CFAP61: variants seen among roughly 807,000 people sequenced by gnomAD.
CFAP61 encodes the protein cilia and flagella associated protein 61.
A neutral mutation model predicts 135.6 loss-of-function variants in CFAP61; 107 were observed. That is an observed-to-expected ratio of 0.79 (90% CI 0.67 to 0.93). The LOEUF (loss-of-function observed/expected upper bound fraction) is 0.93, where lower values mean the gene tolerates loss of function less well. Ranked by LOEUF, CFAP61 falls within the 40% of genes least tolerant of loss-of-function variation. CFAP61 has a pLI of 0.00. For missense variants in CFAP61, 1,507 were observed against 1,556.2 expected (o/e 0.97, Z 0.53); for synonymous variants, 575 against 578.5 (o/e 0.99, Z 0.09).
intron 20 of CFAP61, chr20:20,259,817 G>A (rs1160989751): frequency 1.3e-5 from 2 of 152,204 alleles, no homozygotes; most frequent in African/African-American, 4.8e-5. Context: ...AAGGAAGACA[G>A]AATATTGGGT....
Position 20,359,680 on chromosome 20 carries a change from A to AAACAACAAC in CFAP61, c.3514-521_3514-513dup, listed in dbSNP as rs530186293. Among the ~76,000 whole-genome samples the AAACAACAAC allele has an allele frequency of 1.7e-4, 7 of 40,038 alleles. No individual in the cohort carries two copies. The highest frequency in any genetic ancestry group is 1.5e-3 in the Admixed American group (5 of 3,436). 26.3% of individuals were successfully genotyped at this position (40,038 alleles called of 152,430 possible). A position where few individuals can be genotyped will look rare whatever the true frequency, so the allele number is the denominator to read the frequency against. On this transcript the variant is annotated intron_variant, in intron 26 of 26. Transcript: ENST00000245957. This position sits in a 1 kb window ranked among gnomAD's most constrained non-coding sequence, Gnocchi z 4.0. Reference sequence around the variant, plus strand: ...ATTCCGTCTCAAAAAGCAAAAAACAAAACAACAACAACAACAAAACAAGTA... The same window carrying AAACAACAAC: ...ATTCCGTCTCAAAAAGCAAAAAACAAAACAACAACAACAACAACAACAACAAAACAAGTA...
chr20:20,312,380 TGGATGG>T (rs1234743063), intron 25 of CFAP61, among the ~76,000 whole-genome samples: 1 of 152,202 alleles, frequency 6.6e-6, no homozygotes, highest in Non-Finnish European at 1.5e-5. Flanking sequence ...AGAACTACCC[TGGATGG>T]GCTTAGTTGC....
At chr20:20,183,543 C>A (rs1463437972) in intron 13 of CFAP61, among the ~76,000 whole-genome samples, 1 of 152,070 alleles carries the variant, frequency 6.6e-6, no homozygotes, top group Non-Finnish European at 1.5e-5. Flanking sequence ...AGAGAGCAGC[C>A]CCATTCAGTA....
Position 20,187,933 on chromosome 20 carries a change from C to CAAGGGTA in CFAP61, c.1390_1391insAGGGTAA (p.Ile464LysfsTer4), listed in dbSNP as rs1159175820. ...ATATATTCCTCTCCTTACCCAGGTC[C>CAAGGGTA]ATTAATATAAGATTTGCCACTCTCT... On this transcript the variant is annotated frameshift_variant, in exon 14 of 27. Transcript: ENST00000245957. LOFTEE classifies it high-confidence loss of function. 6.2e-7 allele frequency: 1 copy of CAAGGGTA among 1,611,838 alleles called. No individual in the cohort carries two copies.
At chr20:20,052,830 C>G in intron 1 of CFAP61, 3 of 1,114,684 alleles carry the variant, frequency 2.7e-6, no homozygotes, top group East Asian at 2.6e-5. Flanking sequence ...AGCTGCCGCC[C>G]TTTTAGGCTG....
intron 17 of CFAP61, among the ~76,000 whole-genome samples, chr20:20,207,249 A>G (rs1408405624): frequency 1.3e-5 from 2 of 152,210 alleles, no homozygotes; most frequent in Non-Finnish European, 2.9e-5. Context: ...TAAAGCCACC[A>G]GCAGGTTCTT....
intron 8 of CFAP61, among the ~76,000 whole-genome samples, chr20:20,100,539 A>T (rs568150696): frequency 6.6e-6 from 1 of 152,326 alleles, no homozygotes; most frequent in South Asian, 2.1e-4. Context: ...TATCTAACCC[A>T]AAGAATTGAG....
chr20:20,257,602 AGACTGTCTC>A (rs2051722127), intron 20 of CFAP61, among the ~76,000 whole-genome samples: 1 of 147,852 alleles, frequency 6.8e-6, no homozygotes, highest in African/African-American at 2.5e-5. Context: ...CAACAGAGCA[AGACTGTCTC>A]AAAAAAAACA....
chr20:20,168,338 C>T (rs2053980360), intron 12 of CFAP61, among the ~76,000 whole-genome samples: 1 of 152,162 alleles, frequency 6.6e-6, no homozygotes, highest in African/African-American at 2.4e-5. Flanking sequence ...ACTGGGATTA[C>T]AGAAGTGAGA....
chr20:20,053,322 T>C (rs6136927), intron 1 of CFAP61, among the ~76,000 whole-genome samples: 21,513 of 152,196 alleles, frequency 0.14, 1,659 homozygotes, highest in East Asian at 0.22. Flanking sequence ...CACAGCTTCC[T>C]GCTATCAATT....
At chr20:20,313,585 G>T (rs2056949320) in intron 25 of CFAP61, among the ~76,000 whole-genome samples, 2 of 152,196 alleles carry the variant, frequency 1.3e-5, no homozygotes, top group Admixed American at 1.3e-4. Context: ...CCAGTCCCGG[G>T]TTCTAACATT....
intron 9 of CFAP61, among the ~76,000 whole-genome samples, chr20:20,144,423 A>G (rs868110512): frequency 1.6e-4 from 24 of 151,806 alleles, no homozygotes; most frequent in Middle Eastern, 3.4e-3. Context: ...CAATCAATCA[A>G]GATGAAAAAT....
chr20:20,068,682 G>A (rs1331799099), intron 2 of CFAP61, among the ~76,000 whole-genome samples: 1 of 152,142 alleles, frequency 6.6e-6, no homozygotes, highest in Non-Finnish European at 1.5e-5. Flanking sequence ...GGTACCCAGG[G>A]GGATTTCACT....
intron 13 of CFAP61, among the ~76,000 whole-genome samples, chr20:20,178,037 C>T (rs965987877): frequency 2.0e-5 from 3 of 152,080 alleles, no homozygotes; most frequent in African/African-American, 4.8e-5. Context: ...TGTTCTGGTC[C>T]TCCACCTAAT....
intron 18 of CFAP61, among the ~76,000 whole-genome samples, chr20:20,244,212 T>C (rs977941351): frequency 7.2e-5 from 11 of 152,192 alleles, no homozygotes; most frequent in Non-Finnish European, 1.6e-4. Context: ...GGCCCTCTTC[T>C]CACAGCTCCA....
intron 22 of CFAP61, among the ~76,000 whole-genome samples, chr20:20,285,512 C>T (rs895071341): frequency 1.2e-4 from 19 of 152,040 alleles, no homozygotes; most frequent in Admixed American, 4.6e-4. Context: ...CACTATTCTT[C>T]AAATTGGACA....
intron 26 of CFAP61, among the ~76,000 whole-genome samples, chr20:20,343,505 A>G (rs1428378861): frequency 6.6e-6 from 1 of 152,152 alleles, no homozygotes; most frequent in Admixed American, 6.6e-5. Context: ...GTGGCAATGG[A>G]ATCCACTAAA....
chr20:20,066,338 A>G (rs2045261264), intron 2 of CFAP61, among the ~76,000 whole-genome samples: 1 of 152,212 alleles, frequency 6.6e-6, no homozygotes, highest in South Asian at 2.1e-4. Context: ...TATATACCCA[A>G]AGGATTATAA....
intron 25 of CFAP61, among the ~76,000 whole-genome samples, chr20:20,319,614 C>T (rs1022118477): frequency 6.6e-6 from 1 of 152,200 alleles, no homozygotes; most frequent in Admixed American, 6.5e-5. Flanking sequence ...TTCCTGAGGC[C>T]TCCCTAGATA....
Sources: allele counts gnomAD v4.1 joint callset (sites outside exome capture counted in the v4.1 genomes callset), GRCh38; gene constraint gnomAD v4.1.1; non-coding constraint Gnocchi (gnomAD v3.1); transcripts MANE v1.5; gene names NCBI Gene and HGNC (gene_info 2026-07-23, HGNC 2026-07-21).